TBC1D19: variants seen among roughly 807,000 people sequenced by gnomAD.
TBC1D19 encodes TBC1 domain family, member 19.
TBC1D19 carries 60 observed loss-of-function variants against 89.0 expected under a neutral mutation model. The observed-to-expected ratio is 0.67, with a 90% CI of 0.55 to 0.84. TBC1D19 has a LOEUF of 0.84. Ranked by LOEUF, TBC1D19 falls within the 40% of genes least tolerant of loss-of-function variation. TBC1D19 has a pLI of 0.00. For synonymous variants in TBC1D19, 189 were observed against 199.7 expected (o/e 0.95, Z 0.45); for missense variants, 500 against 610.8 (o/e 0.82, Z 1.91).
chr4:26,698,740 C>T (rs1384623354), intron 13 of TBC1D19, among the ~76,000 whole-genome samples: 1 of 152,100 alleles, frequency 6.6e-6, no homozygotes, highest in Admixed American at 6.6e-5. Context: ...TTTGACCAAC[C>T]TGACAAAAAG....
intron 13 of TBC1D19, among the ~76,000 whole-genome samples, chr4:26,699,626 A>G (rs1406409365): frequency 6.6e-6 from 1 of 152,170 alleles, no homozygotes; most frequent in Non-Finnish European, 1.5e-5. Context: ...ATGTCCAACA[A>G]TTGTAGACTG....
At chr4:26,834,032 G>C in the TBC1D19 span, among the ~76,000 whole-genome samples, 1 of 152,156 alleles carries the variant, frequency 6.6e-6, no homozygotes, top group Non-Finnish European at 1.5e-5. Flanking sequence ...TGTTGTTCTC[G>C]TGATAGTCAG....
chr4:26,740,723 T>G (rs1394863914), intron 17 of TBC1D19: 2 of 985,270 alleles, frequency 2.0e-6, no homozygotes, highest in East Asian at 1.1e-4. Context: ...GTAACATGAC[T>G]GCTACTCCAG....
intron 1 of TBC1D19, 44 bp downstream of exon 1, chr4:26,584,336 C>T: frequency 6.4e-7 from 1 of 1,550,920 alleles, no homozygotes; most frequent in Non-Finnish European, 8.8e-7. Flanking sequence ...GGCGGGGCCG[C>T]GGCGATGTCT....
chr4:26,727,943 G>A (rs931949678), intron 15 of TBC1D19, among the ~76,000 whole-genome samples: 1 of 151,414 alleles, frequency 6.6e-6, no homozygotes, highest in African/African-American at 2.5e-5. Flanking sequence ...CAAACAGCTT[G>A]TATCCTAGCT....
chr4:26,728,250 T>G (rs1349953454), intron 15 of TBC1D19, among the ~76,000 whole-genome samples: 1 of 152,164 alleles, frequency 6.6e-6, no homozygotes, highest in Non-Finnish European at 1.5e-5. Flanking sequence ...GGCAAAAGTG[T>G]TTTTTAAGTA....
In TBC1D19 at chr4:26,646,956, T is replaced by C. The variant is rs191848942; in HGVS notation, c.480+6769T>C. Among the ~76,000 whole-genome samples the C allele has an allele frequency of 6.6e-5, 10 of 152,202 alleles. No homozygotes were observed. In the East Asian group the frequency reaches 1.5e-3, roughly 23 times the overall value. ...AAAAAAGTAAAATAATGAAAAAGAA[T>C]AGTGACTGTACATCACATAGCCTGC... On this transcript the variant is annotated intron_variant, in intron 7 of 20. Coordinates refer to ENST00000264866, the MANE Select transcript of TBC1D19 (RefSeq NM_018317.4).
chr4:26,619,533 A>G (rs1230317563), intron 3 of TBC1D19, among the ~76,000 whole-genome samples: 1 of 152,130 alleles, frequency 6.6e-6, no homozygotes, highest in Non-Finnish European at 1.5e-5. Context: ...GCTTTATTAA[A>G]TTTTACATAA....
In TBC1D19 at chr4:26,643,012, G is replaced by A. The variant is rs543896638; in HGVS notation, c.480+2825G>A. ...AACACCCCACTGTCAATATTAGACA[G>A]ATCAATGAGACAGAAGGTTAACAAG... On this transcript the variant is annotated intron_variant, in intron 7 of 20. Transcript: ENST00000264866. Among the ~76,000 whole-genome samples, 4 of 152,282 alleles carry A rather than the reference G, an allele frequency of 2.6e-5. No individual in the cohort carries two copies. The South Asian group carries it at 8.3e-4, about 32-fold the overall frequency.
At chr4:26,768,948 T>C in the TBC1D19 span, among the ~76,000 whole-genome samples, 1 of 151,706 alleles carries the variant, frequency 6.6e-6, no homozygotes, top group Non-Finnish European at 1.5e-5. Flanking sequence ...AACTCTCCTG[T>C]CCAAGAAGAT....
intron 1 of TBC1D19, among the ~76,000 whole-genome samples, chr4:26,604,683 G>A (rs191008121): frequency 1.3e-5 from 2 of 150,876 alleles, no homozygotes; most frequent in Non-Finnish European, 3.0e-5. Flanking sequence ...AGACCATCCT[G>A]GCTAACACAG....
chr4:26,737,037 T>C (rs1304763435), intron 16 of TBC1D19, among the ~76,000 whole-genome samples: 1 of 152,216 alleles, frequency 6.6e-6, no homozygotes, highest in African/African-American at 2.4e-5. Context: ...CAGAAATACA[T>C]TAATGTTTTG....
chr4:26,839,598 A>G, the TBC1D19 span, among the ~76,000 whole-genome samples: 6 of 152,146 alleles, frequency 3.9e-5, no homozygotes, highest in Admixed American at 1.3e-4. Context: ...TGTCAAAAAA[A>G]AAATGCTGAA....
the TBC1D19 span, among the ~76,000 whole-genome samples, chr4:26,852,757 T>C: frequency 0.047 from 7,104 of 152,008 alleles, 539 homozygotes; most frequent in African/African-American, 0.16. Flanking sequence ...GTAGCTGGGA[T>C]TACAGGCGCC....
chr4:26,656,511 G>A (rs1328207994), intron 7 of TBC1D19, among the ~76,000 whole-genome samples: 1 of 151,038 alleles, frequency 6.6e-6, no homozygotes, highest in East Asian at 1.9e-4. Context: ...ACTTACAGAA[G>A]TAAGATTCCT....
chr4:26,750,660 T>C (rs1314897552), intron 19 of TBC1D19, among the ~76,000 whole-genome samples: 1 of 152,192 alleles, frequency 6.6e-6, no homozygotes, highest in Non-Finnish European at 1.5e-5. Flanking sequence ...AGAAATGTAG[T>C]CTGCATTATT....
intron 4 of TBC1D19, among the ~76,000 whole-genome samples, chr4:26,624,675 A>G (rs530725300): frequency 6.6e-6 from 1 of 152,284 alleles, no homozygotes; most frequent in African/African-American, 2.4e-5. Context: ...GGAGTTAGCC[A>G]TCTATTTTCC....
chr4:26,777,679 C>T, the TBC1D19 span, among the ~76,000 whole-genome samples: 35 of 152,136 alleles, frequency 2.3e-4, no homozygotes, highest in African/African-American at 7.0e-4. Context: ...TAACTCCTGG[C>T]GTCAAGTGAT....
rs139969650 is a variant in TBC1D19 at position 26,585,653 on chromosome 4, G to T, written c.99+1361G>T. On this transcript the variant is annotated intron_variant, in intron 1 of 20. Coordinates refer to ENST00000264866, the MANE Select transcript of TBC1D19 (RefSeq NM_018317.4). ...GGCTGGAGTGCAGTGGTGTGATCTC[G>T]GCTCACTACAACCTCTGCCTCCCAG... Among the ~76,000 whole-genome samples the T allele has an allele frequency of 7.6e-4, 114 of 149,756 alleles. 1 individual carries two copies. The East Asian group carries it at 0.019, about 25-fold the overall frequency.
Sources: allele counts gnomAD v4.1 joint callset (sites outside exome capture counted in the v4.1 genomes callset), GRCh38; gene constraint gnomAD v4.1.1; transcripts MANE v1.5; gene names NCBI Gene and HGNC (gene_info 2026-07-23, HGNC 2026-07-21).